The following SLC16A5 variants were observed in gnomAD, a reference collection of about 807,000 sequenced individuals.
SLC16A5 encodes solute carrier family 16 member 5.
A neutral mutation model predicts 33.2 loss-of-function variants in SLC16A5; 29 were observed. The ratio of observed to expected loss-of-function variants is 0.87; its 90% CI spans 0.65 to 1.19. The LOEUF is 1.19. SLC16A5 is among the 50% of genes most tolerant of loss of function. The probability of loss-of-function intolerance (pLI) is 0.00; values close to 1 mark genes in which losing one functional copy is unlikely to be tolerated. For missense variants in SLC16A5, 606 were observed against 678.2 expected (o/e 0.89, Z 1.18); for synonymous variants, 248 against 284.1 (o/e 0.87, Z 1.28).
At chr17:75,105,285 C>T in intron 6 of SLC16A5, 6 of 985,460 alleles carry the variant, frequency 6.1e-6, no homozygotes, top group Non-Finnish European at 7.2e-6. Flanking sequence ...TCCTTCCTTT[C>T]CCCACCCTGT....
intron 2 of SLC16A5, 45 bp from the exon 3 acceptor site, chr17:75,093,544 C>T (rs1328279055): frequency 1.5e-5 from 23 of 1,542,020 alleles, no homozygotes; most frequent in Non-Finnish European, 1.7e-5. Flanking sequence ...CCAGGAGAGA[C>T]GGACAGCCTG....
chr17:75,110,138 T>C, downstream of SLC16A5: 1 of 689,354 alleles, frequency 1.5e-6, no homozygotes, highest in South Asian at 1.9e-5. Flanking sequence ...TGCAAATTAC[T>C]GCAGAATCTG....
rs534509420 is a variant in SLC16A5, at chr17:75,100,002, C to T, written c.344-5C>T. Reference sequence around the variant, plus strand: ...TCCAGGCTGGTTTCCCCTCTTGCCCCGCAGGCCTGGGCATGTGCTTCAGCT... The same window carrying T: ...TCCAGGCTGGTTTCCCCTCTTGCCCTGCAGGCCTGGGCATGTGCTTCAGCT... On this transcript the variant is annotated splice_region_variant and splice_polypyrimidine_tract_variant and intron_variant, in intron 4 of 6. Coordinates refer to ENST00000329783, the MANE Select transcript of SLC16A5 (RefSeq NM_004695.4). 41 of 1,605,416 alleles carry T rather than the reference C, an allele frequency of 2.6e-5. No homozygotes were observed. The South Asian group carries it at 3.9e-4, about 15-fold the overall frequency.
At chr17:75,107,996 C>T (rs1036616154), downstream of SLC16A5, among the ~76,000 whole-genome samples, 5 of 151,762 alleles carry the variant, frequency 3.3e-5, no homozygotes, top group African/African-American at 4.8e-5. Context: ...CCCAGCTACT[C>T]GGGAGGCTGA....
chr17:75,090,296 A>C (rs2073620386), intron 2 of SLC16A5: 1 of 152,004 alleles, frequency 6.6e-6, no homozygotes, highest in Non-Finnish European at 1.5e-5. Context: ...GCTCGATGGG[A>C]GGGGAGGCTG....
downstream of SLC16A5, among the ~76,000 whole-genome samples, chr17:75,106,329 C>T (rs1375258102): frequency 6.6e-6 from 1 of 151,978 alleles, no homozygotes. Context: ...TTTGCCAAAT[C>T]CTGTCTGCTC....
At chr17:75,093,539 A>G (rs1207275971) in intron 2 of SLC16A5, 50 bp from the exon 3 acceptor site, 2 of 1,540,778 alleles carry the variant, frequency 1.3e-6, no homozygotes, top group Non-Finnish European at 1.7e-6. Context: ...GTGGGCCAGG[A>G]GAGACGGACA....
intron 3 of SLC16A5, 131 bp downstream of exon 3, chr17:75,093,966 C>A: frequency 7.6e-7 from 1 of 1,313,006 alleles, no homozygotes; most frequent in Non-Finnish European, 1.0e-6. Flanking sequence ...TAAGGTTTCA[C>A]CAGATTTCAC....
At chr17:75,104,615 C>G (rs1341733631) in intron 6 of SLC16A5, 1 of 564,874 alleles carries the variant, frequency 1.8e-6, no homozygotes, top group Non-Finnish European at 2.2e-6. Flanking sequence ...CCACTCCCGG[C>G]TAATTTTGTC....
At chr17:75,107,922 G>T (rs1455006060), downstream of SLC16A5, among the ~76,000 whole-genome samples, 1 of 151,888 alleles carries the variant, frequency 6.6e-6, no homozygotes, top group Non-Finnish European at 1.5e-5. Flanking sequence ...GGGTGACAGA[G>T]CGAGACACTG....
In SLC16A5 at chr17:75,105,983, G is replaced by GCGGTA. The variant is rs2073858497; in HGVS notation, c.1470_1474dup (p.Leu492ArgfsTer21). The GCGGTA allele has an allele frequency of 6.2e-7, 1 of 1,609,056 alleles. No individual in the cohort carries two copies. The highest frequency in any genetic ancestry group is 1.3e-5 in the African/African-American group (1 of 74,814). On this transcript the variant is annotated frameshift_variant, in exon 7 of 7. Transcript: ENST00000329783. LOFTEE classifies it low-confidence loss of function (END_TRUNC). ...CCATGAGTGGCTCTTATGGCCAAAGGCGGTACTGCAGGCCAAGCAAACGGC... is the reference window on the plus strand; with the variant it reads ...CCATGAGTGGCTCTTATGGCCAAAGGCGGTACGGTACTGCAGGCCAAGCAAACGGC...
chr17:75,101,072 C>T (rs2073792852), intron 5 of SLC16A5, among the ~76,000 whole-genome samples: 2 of 150,624 alleles, frequency 1.3e-5, no homozygotes, highest in South Asian at 4.2e-4. Context: ...CATGGTGAAA[C>T]CCCGTCTCTA....
intron 6 of SLC16A5, 135 bp from the exon 7 acceptor site, chr17:75,105,745 G>T: frequency 7.1e-7 from 1 of 1,410,250 alleles, no homozygotes; most frequent in Non-Finnish European, 9.3e-7. Context: ...AACAGAGCTG[G>T]AGTACGTTTC....
chr17:75,092,154 T>G (rs2073647183), intron 2 of SLC16A5, among the ~76,000 whole-genome samples: 1 of 152,040 alleles, frequency 6.6e-6, no homozygotes, highest in Non-Finnish European at 1.5e-5. Flanking sequence ...TGCGTGTGTC[T>G]CTCTGTGTTT....
In SLC16A5 at chr17:75,100,170, G is replaced by A; in HGVS notation, c.507G>A (p.Arg169=). ...ACCTTCTGGAGAACCTGGGCTGGAG[G>A]GGTACCTTCCTTGTCTTCGGCGGGA... ...SRYLLENLGW[R]GTFLVFGGIF... The change falls in exon 5 of 7, where the codon AGG becomes AGA. Residue 169 remains arginine (R), a synonymous_variant. Transcript: ENST00000329783. The A allele has an allele frequency of 6.2e-7, 1 of 1,614,244 alleles. No individual in the cohort carries two copies. Among genetic ancestry groups the A allele is most frequent in the Non-Finnish European group, 8.5e-7 (1 of 1,180,042 alleles).
At chr17:75,088,999 A>T (rs1299012962) in intron 1 of SLC16A5, 152 bp from the exon 2 acceptor site, 3 of 152,184 alleles carry the variant, frequency 2.0e-5, no homozygotes, top group Admixed American at 6.5e-5. Context: ...AGCTGGTCTC[A>T]TTGGGCCTAG....
At chr17:75,092,339 T>A (rs1224385355) in intron 2 of SLC16A5, among the ~76,000 whole-genome samples, 2 of 152,060 alleles carry the variant, frequency 1.3e-5, no homozygotes, top group East Asian at 3.9e-4. Context: ...TCTGGACTTT[T>A]TTGAGTGTCT....
chr17:75,099,815 G>C (rs1231718325), intron 4 of SLC16A5, 192 bp from the exon 5 acceptor site: 3 of 604,012 alleles, frequency 5.0e-6, no homozygotes, highest in East Asian at 5.5e-5. Flanking sequence ...TGGGAGGGCA[G>C]ATCTGGGGTG....
chr17:75,091,684 AGATGTCC>A (rs2073639237), intron 2 of SLC16A5, among the ~76,000 whole-genome samples: 2 of 152,296 alleles, frequency 1.3e-5, no homozygotes, highest in East Asian at 3.9e-4. Flanking sequence ...TATTTCTGGT[AGATGTCC>A]GAGTTTCCCC....
Sources: allele counts gnomAD v4.1 joint callset (sites outside exome capture counted in the v4.1 genomes callset), GRCh38; gene constraint gnomAD v4.1.1; transcripts MANE v1.5; gene names NCBI Gene and HGNC (gene_info 2026-07-23, HGNC 2026-07-21).